Variants in CHN1 observed in about 807,000 individuals in gnomAD.
The protein encoded by CHN1 is N-chimaerin.
In CHN1, 37 loss-of-function variants were observed where a neutral mutation model predicts 59.5. The observed-to-expected ratio is 0.62, with a 90% CI of 0.48 to 0.82. The LOEUF is 0.82. CHN1 is among the 40% of genes least tolerant of loss of function. The pLI, the probability that CHN1 is intolerant of heterozygous loss-of-function variation, is 0.00. For missense variants in CHN1, 469 were observed against 571.0 expected (o/e 0.82, Z 1.82); for synonymous variants, 206 against 200.4 (o/e 1.03, Z -0.24).
At chr2:174,900,674 A>C (rs777170465) in intron 5 of CHN1, among the ~76,000 whole-genome samples, 47 of 152,120 alleles carry the variant, frequency 3.1e-4, no homozygotes, top group Non-Finnish European at 5.4e-4. Context: ...GCGTGGTGAC[A>C]GGTGCCTGTA....
Position 174,800,203 on chromosome 2 carries a change from T to C in CHN1, c.1293A>G (p.Glu431=), listed in dbSNP as rs745464331. The change falls in exon 13 of 13, where the codon GAA becomes GAG. Residue 431 remains glutamate (E), a synonymous_variant. Coordinates refer to ENST00000409900, the MANE Select transcript of CHN1 (RefSeq NM_001822.7). ...VFGPTLMRSP[E]LDAMAALNDI... ...CATTCAATGCAGCCATGGCGTCTAG[T>C]TCTGGAGATCTCATAAGGGTGGGTC... The C allele has an allele frequency of 3.9e-6, 6 of 1,522,686 alleles. No individual in the cohort carries two copies. The highest frequency in any genetic ancestry group is 5.3e-6 in the Non-Finnish European group (6 of 1,140,040). The allele number at this position is 1,522,686 out of a possible 1,614,324, so 94.3% of individuals were successfully genotyped here.
chr2:174,800,755 A>G (rs1360981373), intron 12 of CHN1, among the ~76,000 whole-genome samples: 1 of 145,858 alleles, frequency 6.9e-6, no homozygotes, highest in Non-Finnish European at 1.5e-5. Context: ...GGTAGGCACC[A>G]TCGTCAGGGA....
chr2:174,899,376 C>T (rs2105354851), intron 5 of CHN1, among the ~76,000 whole-genome samples: 1 of 152,308 alleles, frequency 6.6e-6, no homozygotes, highest in Middle Eastern at 3.4e-3. Context: ...GTGTCTGTGA[C>T]TCAGTATATA....
intron 5 of CHN1, among the ~76,000 whole-genome samples, chr2:174,889,412 A>C (rs1266178907): frequency 6.6e-6 from 1 of 152,240 alleles, no homozygotes; most frequent in Non-Finnish European, 1.5e-5. Flanking sequence ...GAAATATCTG[A>C]AAAAGAATTC....
chr2:174,850,466 C>CTA (rs1686692265), intron 6 of CHN1, among the ~76,000 whole-genome samples: 1 of 152,194 alleles, frequency 6.6e-6, no homozygotes, highest in East Asian at 1.9e-4. Flanking sequence ...GTTACCTCAT[C>CTA]TACATAATAT....
intron 3 of CHN1, among the ~76,000 whole-genome samples, chr2:174,938,398 T>G (rs1689561176): frequency 6.6e-6 from 1 of 152,200 alleles, no homozygotes; most frequent in Admixed American, 6.5e-5. Context: ...TTTAACTTAA[T>G]AGAATAAGCA....
intron 7 of CHN1, among the ~76,000 whole-genome samples, chr2:174,825,449 G>C (rs921664491): frequency 2.0e-5 from 3 of 152,086 alleles, no homozygotes; most frequent in Admixed American, 6.6e-5. Flanking sequence ...GCTCATAAAG[G>C]TTCTTTCTAC....
intron 1 of CHN1, among the ~76,000 whole-genome samples, chr2:174,980,875 ATAGT>A (rs2105449266): frequency 6.6e-6 from 1 of 152,348 alleles, no homozygotes; most frequent in African/African-American, 2.4e-5. Context: ...AACTCCAAAG[ATAGT>A]TTGCAACTAA....
chr2:174,862,318 T>G (rs942089163), intron 6 of CHN1, among the ~76,000 whole-genome samples: 4 of 152,014 alleles, frequency 2.6e-5, no homozygotes, highest in Non-Finnish European at 4.4e-5. Context: ...TTTAATACAT[T>G]ACGTTATACC....
intron 6 of CHN1, among the ~76,000 whole-genome samples, chr2:174,856,326 T>C (rs1686899086): frequency 6.6e-6 from 1 of 152,122 alleles, no homozygotes; most frequent in Non-Finnish European, 1.5e-5. Flanking sequence ...TCCTCTAGCA[T>C]TAACATAATA....
chr2:174,844,718 T>C (rs1686447975), intron 7 of CHN1, among the ~76,000 whole-genome samples: 1 of 152,196 alleles, frequency 6.6e-6, no homozygotes, highest in African/African-American at 2.4e-5. Flanking sequence ...CAAGTATGAC[T>C]TTCCTCCTTT....
rs545190419 is a variant in CHN1, at chr2:174,945,043, A to C, written c.59-100T>G. On this transcript the variant is annotated intron_variant, in intron 2 of 12. Transcript: ENST00000409900. ...GGCTGCTTTTTATGTTCACAAGAAA[A>C]CTGGTATAACCTTATTTACTAAATT... 79 of 810,556 alleles carry C rather than the reference A, an allele frequency of 9.7e-5. No individual in the cohort carries two copies. In the Admixed American group the frequency reaches 1.3e-3, roughly 14 times the overall value. The allele number at this position is 810,556 out of a possible 1,614,324, so 50.2% of individuals were successfully genotyped here.
At position 174,966,785 on chromosome 2, in the gene CHN1, G is replaced by A. The variant is rs139643862; in HGVS notation, c.20-14583C>T. Among the ~76,000 whole-genome samples, 3 of 152,190 alleles carry A rather than the reference G, an allele frequency of 2.0e-5. No individual in the cohort carries two copies. The East Asian group carries it at 5.8e-4, about 29-fold the overall frequency. ...CTGATAATGTTTCTCCTGACATGTC[G>A]GCATATTTACAGAAAGTCCTCAGAC... On this transcript the variant is annotated intron_variant, in intron 1 of 12. Coordinates refer to ENST00000409900, the MANE Select transcript of CHN1 (RefSeq NM_001822.7).
intron 6 of CHN1, among the ~76,000 whole-genome samples, chr2:174,863,732 A>G (rs547510316): frequency 6.6e-6 from 1 of 152,312 alleles, no homozygotes; most frequent in Non-Finnish European, 1.5e-5. Context: ...TTTACTGAGC[A>G]ACAGAATCAC....
intron 5 of CHN1, among the ~76,000 whole-genome samples, chr2:174,902,053 T>C (rs1427413760): frequency 2.0e-5 from 3 of 152,228 alleles, no homozygotes; most frequent in Admixed American, 1.3e-4. Flanking sequence ...TAGAATTTCA[T>C]ACAACACAGT....
intron 3 of CHN1, among the ~76,000 whole-genome samples, chr2:174,931,814 G>A (rs1369758456): frequency 6.6e-6 from 1 of 152,214 alleles, no homozygotes; most frequent in African/African-American, 2.4e-5. Context: ...AGCCAAGAGT[G>A]TATCAGAGAG....
intron 7 of CHN1, among the ~76,000 whole-genome samples, chr2:174,845,912 T>C (rs866506306): frequency 6.6e-6 from 1 of 152,112 alleles, no homozygotes. Flanking sequence ...GAATAAATGT[T>C]GAATAAATAA....
At chr2:174,846,855 A>G in intron 7 of CHN1, 25 bp downstream of exon 7, 1 of 1,528,976 alleles carries the variant, frequency 6.5e-7, no homozygotes, top group East Asian at 2.5e-5. Context: ...GCATTTCTTA[A>G]AAGACTAAAA....
rs539001023 is a variant in CHN1 at position 174,962,663 on chromosome 2, CGGGGG to C, written c.20-10466_20-10462del. Among the ~76,000 whole-genome samples the C allele has an allele frequency of 8.7e-3, 157 of 18,036 alleles. 27 individuals carry two copies. The highest frequency in any genetic ancestry group is 0.016 in the African/African-American group (138 of 8,812). 11.8% of individuals were successfully genotyped at this position (18,036 alleles called of 152,430 possible). A position where few individuals can be genotyped will look rare whatever the true frequency, so the allele number is the denominator to read the frequency against. On this transcript the variant is annotated intron_variant, in intron 1 of 12. Transcript: ENST00000409900. Reference sequence around the variant, plus strand: ...TGCAATCCCAGCACTTTGGAAGGCCCGGGGGGGGGGGGGGGGGGGGCAGATCACCT... The same window carrying C: ...TGCAATCCCAGCACTTTGGAAGGCCCGGGGGGGGGGGGGGGCAGATCACCT...
Sources: allele counts gnomAD v4.1 joint callset (sites outside exome capture counted in the v4.1 genomes callset), GRCh38; gene constraint gnomAD v4.1.1; transcripts MANE v1.5; gene names NCBI Gene and HGNC (gene_info 2026-07-23, HGNC 2026-07-21).